The following MOCOS variants were observed in gnomAD, a reference collection of about 807,000 sequenced individuals.
MOCOS encodes the protein molybdenum cofactor sulfurase.
In MOCOS, 86 loss-of-function variants were observed where a neutral mutation model predicts 83.6. The observed-to-expected ratio is 1.03, with a 90% confidence interval of 0.86 to 1.23. The LOEUF is 1.23. Ranked by LOEUF, MOCOS falls within the 50% of genes most tolerant of loss-of-function variation. The pLI, the probability that MOCOS is intolerant of heterozygous loss-of-function variation, is 0.00. For missense variants in MOCOS, 1,120 were observed against 1,126.9 expected, an observed-to-expected ratio of 0.99 and a Z score of 0.09; for synonymous variants, 445 against 434.7, an observed-to-expected ratio of 1.02 and a Z score of -0.29.
At chr18:36,267,231 A>G (rs1235415502) in intron 14 of MOCOS, among the ~76,000 whole-genome samples, 3 of 152,222 alleles carry the variant, frequency 2.0e-5, no homozygotes, top group Non-Finnish European at 4.4e-5. Context: ...ATTTCATTAA[A>G]CTGGAAATAC....
At chr18:36,267,730 AAAG>A (rs1303343321) in intron 14 of MOCOS, among the ~76,000 whole-genome samples, 1 of 152,234 alleles carries the variant, frequency 6.6e-6, no homozygotes, top group Non-Finnish European at 1.5e-5. Context: ...CCAGGAGAAG[AAAG>A]AAGAAGGCAC....
At chr18:36,258,234 G>A (rs1445323004) in intron 12 of MOCOS, among the ~76,000 whole-genome samples, 1 of 152,166 alleles carries the variant, frequency 6.6e-6, no homozygotes, top group African/African-American at 2.4e-5. Context: ...TTATAGCAGG[G>A]TGGACCCGCT....
chr18:36,201,674 A>AAAAAAAAAAAAAAAAAAAAAG (rs1205619664), intron 4 of MOCOS, among the ~76,000 whole-genome samples: 3 of 147,922 alleles, frequency 2.0e-5, no homozygotes, highest in African/African-American at 7.8e-5. Flanking sequence ...AAAAAAAAAA[A>AAAAAAAAAAAAAAAAAAAAAG]AAAAAGAAAT....
At chr18:36,221,662 A>C (rs1345276908) in intron 9 of MOCOS, among the ~76,000 whole-genome samples, 1 of 145,752 alleles carries the variant, frequency 6.9e-6, no homozygotes, top group East Asian at 2.0e-4. Context: ...CCCGTGGTTT[A>C]TTTTTCCTTG....
intron 7 of MOCOS, among the ~76,000 whole-genome samples, chr18:36,214,056 A>G (rs1227390007): frequency 1.3e-5 from 2 of 152,028 alleles, no homozygotes; most frequent in Non-Finnish European, 2.9e-5. Context: ...AGCCTGACCA[A>G]CATGGAGAAA....
chr18:36,199,958 G>A lies in MOCOS; in HGVS notation c.575G>A (p.Cys192Tyr). 2 of 1,614,212 alleles carry A rather than the reference G, an allele frequency of 1.2e-6. No individual in the cohort carries two copies. The highest frequency in any genetic ancestry group is 1.7e-6 in the Non-Finnish European group (2 of 1,180,032). ...ERSASASNPDCQLPHLFCYPA... is the reference protein window; with the variant it reads ...ERSASASNPDYQLPHLFCYPA... ...AGTGCTTCAGCCAGCAACCCAGACTGCCAGCTGCCGCATCTCTTCTGCTAC... is the reference window on the plus strand; with the variant it reads ...AGTGCTTCAGCCAGCAACCCAGACTACCAGCTGCCGCATCTCTTCTGCTAC... The change falls in exon 4 of 15, where the codon TGC (cysteine) becomes TAC (tyrosine). Residue 192 changes from cysteine (C) to tyrosine (Y), a missense_variant. By Grantham distance (194) the Cys-to-Tyr change is radical. Coordinates refer to ENST00000261326, the MANE Select transcript of MOCOS (RefSeq NM_017947.4).
intron 9 of MOCOS, among the ~76,000 whole-genome samples, chr18:36,227,663 G>T (rs2091522993): frequency 6.6e-6 from 1 of 152,064 alleles, no homozygotes; most frequent in Non-Finnish European, 1.5e-5. Context: ...CCCAAAGTAT[G>T]GGGATTATAG....
intron 4 of MOCOS, among the ~76,000 whole-genome samples, chr18:36,201,433 G>A (rs148385586): frequency 1.7e-3 from 258 of 152,188 alleles, no homozygotes; most frequent in African/African-American, 5.9e-3. Context: ...GGAGGCCAAG[G>A]TGGGTGGATC....
chr18:36,198,637 A>G, intron 2 of MOCOS, 53 bp from the exon 3 acceptor site: 1 of 1,578,466 alleles, frequency 6.3e-7, no homozygotes, highest in Non-Finnish European at 8.7e-7. Flanking sequence ...AAGGAACACA[A>G]AAGAAGCGAC....
rs2091394868 is a variant in MOCOS, at chr18:36,197,696, C to G, written c.233-994C>G. ...GCTGAGGCAGGAGGAGCCCTTGAGC[C>G]CAGGAATTCAAGGTTATAGTGAGCT... On this transcript the variant is annotated intron_variant, in intron 2 of 14. Coordinates refer to ENST00000261326, the MANE Select transcript of MOCOS (RefSeq NM_017947.4). 2.0e-5 allele frequency among the ~76,000 whole-genome samples: 3 copies of G among 152,122 alleles called. No individual in the cohort carries two copies. In the Middle Eastern group the frequency reaches 0.01, roughly 521 times the overall value.
chr18:36,209,884 T>G (rs1224058612), intron 6 of MOCOS, among the ~76,000 whole-genome samples: 1 of 152,136 alleles, frequency 6.6e-6, no homozygotes, highest in Non-Finnish European at 1.5e-5. Flanking sequence ...TGGCATTTTT[T>G]GTAGAGACAG....
At chr18:36,218,328 T>G (rs2091482593) in intron 8 of MOCOS, among the ~76,000 whole-genome samples, 1 of 151,492 alleles carries the variant, frequency 6.6e-6, no homozygotes, top group Admixed American at 6.6e-5. Flanking sequence ...TAATTTTACC[T>G]TTTATGGCTT....
chr18:36,253,230 G>C (rs534355007), intron 11 of MOCOS, among the ~76,000 whole-genome samples: 1 of 152,172 alleles, frequency 6.6e-6, no homozygotes. Flanking sequence ...TGGAGTCTCC[G>C]TTGGTGAGAT....
chr18:36,257,403 G>A (rs2091645676), intron 12 of MOCOS, among the ~76,000 whole-genome samples: 1 of 151,838 alleles, frequency 6.6e-6, no homozygotes, highest in African/African-American at 2.4e-5. Flanking sequence ...AACTTTTATT[G>A]CCCACCCTCC....
At chr18:36,211,418 A>G (rs1385105412) in intron 6 of MOCOS, among the ~76,000 whole-genome samples, 2 of 151,464 alleles carry the variant, frequency 1.3e-5, no homozygotes, top group Non-Finnish European at 2.9e-5. Flanking sequence ...TGGGGATAAA[A>G]ATATACCCTG....
chr18:36,235,709 G>A (rs2091555676), intron 9 of MOCOS, among the ~76,000 whole-genome samples: 1 of 151,742 alleles, frequency 6.6e-6, no homozygotes, highest in Non-Finnish European at 1.5e-5. Flanking sequence ...TCGCCACACT[G>A]ACTTCCACAA....
At chr18:36,193,265 T>C (rs2091373357) in intron 1 of MOCOS, among the ~76,000 whole-genome samples, 1 of 125,644 alleles carries the variant, frequency 8.0e-6, no homozygotes, top group Non-Finnish European at 1.6e-5. Flanking sequence ...GAGCCGAGAT[T>C]GCGCCACTGC....
At chr18:36,229,405 G>T (rs1952160942) in intron 9 of MOCOS, among the ~76,000 whole-genome samples, 1 of 151,962 alleles carries the variant, frequency 6.6e-6, no homozygotes, top group South Asian at 2.1e-4. Context: ...CCTTGTATAT[G>T]ACAAGTCAGT....
At chr18:36,262,123 G>A (rs1326864760) in intron 13 of MOCOS, among the ~76,000 whole-genome samples, 1 of 152,058 alleles carries the variant, frequency 6.6e-6, no homozygotes, top group Non-Finnish European at 1.5e-5. Context: ...ATCAAAATAT[G>A]CATGCCCTTT....
Sources: gnomAD v4.1 joint callset for allele counts (sites outside exome capture counted in the v4.1 genomes callset) on GRCh38, gnomAD v4.1.1 for gene constraint, MANE v1.5 for transcripts, NCBI Gene and HGNC (gene_info 2026-07-23, HGNC 2026-07-21) for gene names.